NOD1: variants seen among roughly 807,000 people sequenced by gnomAD.
NOD1 encodes the protein nucleotide-binding oligomerization domain-containing protein 1.
Under a neutral mutation model 81.2 loss-of-function variants are expected in NOD1, and 70 were observed. The observed-to-expected ratio is 0.86, with a 90% CI of 0.71 to 1.05. The LOEUF (loss-of-function observed/expected upper bound fraction) is 1.05. NOD1 is among the 50% of genes least tolerant of loss of function. The pLI is 0.00. For missense variants in NOD1, 1,233 were observed against 1,228.0 expected, an observed-to-expected ratio of 1.00 and a Z score of -0.06; for synonymous variants, 508 against 526.9, an observed-to-expected ratio of 0.96 and a Z score of 0.49.
chr7:30,430,852 C>G (rs941464153), intron 12 of NOD1, among the ~76,000 whole-genome samples: 6 of 152,186 alleles, frequency 3.9e-5, no homozygotes, highest in Non-Finnish European at 5.9e-5. Flanking sequence ...GTGCTCCCAG[C>G]CATACCCCAC....
chr7:30,469,001 C>T, intron 1 of NOD1: 1 of 985,444 alleles, frequency 1.0e-6, no homozygotes, highest in Non-Finnish European at 1.2e-6. Context: ...GGAGCCAGCA[C>T]CAAGCACACC....
chr7:30,446,683 C>T (rs1273086342), intron 8 of NOD1: 2 of 435,136 alleles, frequency 4.6e-6, no homozygotes, highest in Non-Finnish European at 8.2e-6. Flanking sequence ...CAGGAAACTC[C>T]CTTGGGGCAA....
chr7:30,431,565 G>A (rs563251352), intron 12 of NOD1, among the ~76,000 whole-genome samples: 2 of 152,342 alleles, frequency 1.3e-5, no homozygotes, highest in South Asian at 2.1e-4. Flanking sequence ...TGTTCAACAC[G>A]TGGTGCTGCC....
rs773649149 is a variant in NOD1 at position 30,451,232 on chromosome 7, G to A, written c.2185C>T (p.Arg729Cys). 45 of 1,613,144 alleles carry A rather than the reference G, an allele frequency of 2.8e-5. 1 individual carries two copies. Among genetic ancestry groups the A allele is most frequent in the Middle Eastern group, 3.3e-4 (2 of 6,082 alleles). Reference sequence around the variant, plus strand: ...CAGCCTCACCTGAGAACAGTGAGGCGGCTGAAGCAGGGCTGCAGCTCCCGC... The same window carrying A: ...CAGCCTCACCTGAGAACAGTGAGGCAGCTGAAGCAGGGCTGCAGCTCCCGC... ...GVRELQPCFS[R>C]LTVLRLSVNQ... is the part of the protein sequence containing the mutation. The change falls in exon 6 of 14, where the codon CGC (arginine) becomes TGC (cysteine). Residue 729 changes from arginine to cysteine, a missense_variant. By Grantham distance (180) the Arg-to-Cys change is radical. Transcript: ENST00000222823. This position sits in a 1 kb window ranked among gnomAD's most constrained non-coding sequence, Gnocchi z 4.2.
At chr7:30,470,888 T>C (rs921403817) in intron 1 of NOD1, among the ~76,000 whole-genome samples, 2 of 152,144 alleles carry the variant, frequency 1.3e-5, no homozygotes, top group Non-Finnish European at 2.9e-5. Flanking sequence ...CTGAAGTGTT[T>C]ATGCAGAGGA....
chr7:30,437,059 A>T (rs1784439768), intron 10 of NOD1, among the ~76,000 whole-genome samples: 1 of 152,146 alleles, frequency 6.6e-6, no homozygotes, highest in African/African-American at 2.4e-5. Context: ...AAAAAATGAG[A>T]TCATGTCCTT....
chr7:30,454,944 C>T (rs1425376770), intron 5 of NOD1, among the ~76,000 whole-genome samples, 193 bp downstream of exon 5: 2 of 152,208 alleles, frequency 1.3e-5, no homozygotes, highest in Admixed American at 6.5e-5. Context: ...ACCAGACCAT[C>T]GAGGTGTGGG....
At position 30,451,582 on chromosome 7, in the gene NOD1, G is replaced by T; in HGVS notation, c.1835C>A (p.Ala612Asp). ...CAGGGCCTTGCGCTTTCTCCTCAGG[G>T]CTGCCGCGGGCACCAGATGCCGCAG... ...KLLRHLVPAA[A>D]LRRKRKALWA... The change falls in exon 6 of 14, where the codon GCC (alanine) becomes GAC (aspartate). Residue 612 changes from alanine (A) to aspartate (D), a missense_variant. Transcript: ENST00000222823. This position sits in a 1 kb window ranked among gnomAD's most constrained non-coding sequence, Gnocchi z 4.2. 1 of 1,613,666 alleles carries T rather than the reference G, an allele frequency of 6.2e-7. No homozygotes were observed. The highest frequency in any genetic ancestry group is 8.5e-7 in the Non-Finnish European group (1 of 1,179,974).
chr7:30,429,237 A>G lies in NOD1; in HGVS notation c.2789+137T>C, dbSNP rs558057005. 7.5e-5 allele frequency: 58 copies of G among 768,596 alleles called. 2 individuals are homozygous for G. The South Asian group carries it at 8.4e-4, about 11-fold the overall frequency. The allele number at this position is 768,596 out of a possible 1,614,324, so 47.6% of individuals were successfully genotyped here. Reference sequence around the variant, plus strand: ...GTCTGGGCCTCTGTCTACCTCTGTAAAACAGAGGTAATACCATTACTGTGC... The same window carrying G: ...GTCTGGGCCTCTGTCTACCTCTGTAGAACAGAGGTAATACCATTACTGTGC... On this transcript the variant is annotated intron_variant, in intron 13 of 13. Coordinates refer to ENST00000222823, the MANE Select transcript of NOD1 (RefSeq NM_006092.4).
At chr7:30,468,631 C>CCCTGCCTACCTCATGTAGGTA (rs1207373692) in intron 1 of NOD1, among the ~76,000 whole-genome samples, 11 of 152,298 alleles carry the variant, frequency 7.2e-5, no homozygotes, top group Admixed American at 6.5e-4. Flanking sequence ...AGCCATCATT[C>CCCTGCCTACCTCATGTAGGTA]CCTGCCTACC....
intron 10 of NOD1, 72 bp from the exon 11 acceptor site, chr7:30,436,153 C>T (rs1228623830): frequency 1.6e-6 from 2 of 1,246,982 alleles, no homozygotes; most frequent in African/African-American, 2.9e-5. Flanking sequence ...AACATCAGAA[C>T]AGCTGGGAAG....
chr7:30,438,506 T>C (rs540741134), intron 9 of NOD1, among the ~76,000 whole-genome samples: 3 of 152,188 alleles, frequency 2.0e-5, no homozygotes, highest in Non-Finnish European at 4.4e-5. Context: ...CTGTTCCTAA[T>C]AGGATCAGCA....
At chr7:30,465,886 T>C (rs1012345199) in intron 1 of NOD1, among the ~76,000 whole-genome samples, 1 of 152,166 alleles carries the variant, frequency 6.6e-6, no homozygotes, top group Non-Finnish European at 1.5e-5. Flanking sequence ...GCTATATAGG[T>C]TGGTAACAAA....
chr7:30,472,878 C>T (rs555617175), intron 1 of NOD1, among the ~76,000 whole-genome samples: 3 of 152,318 alleles, frequency 2.0e-5, no homozygotes, highest in East Asian at 1.9e-4. Context: ...CCTCTCCACC[C>T]GGCAGCCTCC....
intron 1 of NOD1, among the ~76,000 whole-genome samples, chr7:30,464,782 C>T (rs1016896486): frequency 2.6e-5 from 4 of 152,142 alleles, no homozygotes; most frequent in Non-Finnish European, 5.9e-5. Flanking sequence ...CTTTCTGTGC[C>T]GTGATTGCCT....
intron 1 of NOD1, among the ~76,000 whole-genome samples, chr7:30,461,975 T>TG (rs1286618134): frequency 2.6e-5 from 4 of 152,172 alleles, no homozygotes; most frequent in African/African-American, 9.7e-5. Flanking sequence ...CCTGACCTCG[T>TG]GATCCACCCA....
In NOD1 at chr7:30,451,154, C is replaced by G; in HGVS notation, c.2201+62G>C. 1.3e-6 allele frequency: 2 copies of G among 1,551,664 alleles called. No individual in the cohort carries two copies. The highest frequency in any genetic ancestry group is 1.7e-6 in the Non-Finnish European group (2 of 1,148,326). ...GGATCCTGGTCCATGATGCCATTCC[C>G]GATGCCCTCCGAGCCTGGCCCGCCC... On this transcript the variant is annotated intron_variant, in intron 6 of 13. Transcript: ENST00000222823. The surrounding 1 kb of genome is among the most constrained non-coding windows in gnomAD (Gnocchi z 4.2).
At chr7:30,445,278 T>TAAAAAAAAAAAAAAAAAAAAAAAAAAC (rs55875433) in intron 9 of NOD1, among the ~76,000 whole-genome samples, 3 of 69,174 alleles carry the variant, frequency 4.3e-5, no homozygotes, top group African/African-American at 7.0e-5. Flanking sequence ...AAAAAGAATC[T>TAAAAAAAAAAAAAAAAAAAAAAAAAAC]AAAAAAAAAA....
intron 1 of NOD1, among the ~76,000 whole-genome samples, chr7:30,462,075 C>T (rs910684142): frequency 6.6e-6 from 1 of 152,258 alleles, no homozygotes; most frequent in South Asian, 2.1e-4. Context: ...TCAGTTTCAT[C>T]GGCAACTCAG....
Sources: gnomAD v4.1 joint callset for allele counts (sites outside exome capture counted in the v4.1 genomes callset) on GRCh38, gnomAD v4.1.1 for gene constraint, Gnocchi (gnomAD v3.1) non-coding constraint, MANE v1.5 for transcripts, NCBI Gene and HGNC (gene_info 2026-07-23, HGNC 2026-07-21) for gene names.